SYNPR: variants seen among roughly 807,000 people sequenced by gnomAD.
SYNPR encodes synaptoporin.
SYNPR carries 23 observed loss-of-function variants against 32.9 expected under a neutral mutation model. That is an observed-to-expected ratio of 0.70 (90% CI 0.50 to 0.99). The LOEUF is 0.99. Among genes scored for constraint, SYNPR ranks in the 50% least tolerant of loss-of-function variants. The pLI, the probability that SYNPR is intolerant of heterozygous loss-of-function variation, is 0.00. For synonymous variants in SYNPR, 146 were observed against 135.9 expected, an observed-to-expected ratio of 1.07 and a Z score of -0.52; for missense variants, 318 against 349.3, an observed-to-expected ratio of 0.91 and a Z score of 0.71.
At chr3:63,320,311 G>C (rs1170735644) in intron 2 of SYNPR, among the ~76,000 whole-genome samples, 1 of 151,954 alleles carries the variant, frequency 6.6e-6, no homozygotes, top group Non-Finnish European at 1.5e-5. Context: ...TGCATCAATG[G>C]GAAGTCAGCA....
At chr3:63,381,980 A>G (rs2087976586) in intron 2 of SYNPR, among the ~76,000 whole-genome samples, 1 of 152,242 alleles carries the variant, frequency 6.6e-6, no homozygotes, top group Admixed American at 6.5e-5. Flanking sequence ...AGTAAAGTAC[A>G]GAAAACTTAC....
chr3:63,501,508 AAAAAAAG>A lies in SYNPR; in HGVS notation c.209+20557_209+20563del, dbSNP rs1225151620. Reference sequence around the variant, plus strand: ...CCTCCCCCAACCAAAAAAAAAAAAAAAAAAAAGAAAAGAAAAAGAAAAAATAATAGAA... The same window carrying A: ...CCTCCCCCAACCAAAAAAAAAAAAAAAAAAGAAAAAGAAAAAATAATAGAA... On this transcript the variant is annotated intron_variant, in intron 3 of 5. Transcript: ENST00000478300. 4.3e-3 allele frequency among the ~76,000 whole-genome samples: 418 copies of A among 96,682 alleles called. 2 individuals carry two copies. Among genetic ancestry groups the A allele is most frequent in the Non-Finnish European group, 6.5e-3 (292 of 44,714 alleles). 63.4% of individuals were successfully genotyped at this position (96,682 alleles called of 152,430 possible).
At chr3:63,549,541 G>T (rs887674652) in intron 3 of SYNPR, among the ~76,000 whole-genome samples, 1 of 151,992 alleles carries the variant, frequency 6.6e-6, no homozygotes, top group Admixed American at 6.6e-5. Context: ...AACAGCAATC[G>T]TACCCACTGA....
intron 2 of SYNPR, among the ~76,000 whole-genome samples, chr3:63,437,269 T>C (rs145739953): frequency 9.9e-5 from 15 of 152,194 alleles, no homozygotes; most frequent in Non-Finnish European, 1.5e-4. Flanking sequence ...GCAAAGGGTA[T>C]CACTCTCATC....
At chr3:63,527,797 A>G (rs6770177) in intron 3 of SYNPR, among the ~76,000 whole-genome samples, 38,132 of 151,990 alleles carry the variant, frequency 0.25, 4,938 homozygotes, top group Admixed American at 0.33. Flanking sequence ...TCAATACTGT[A>G]TCCCCAAGTG....
At chr3:63,237,717 G>A (rs909464858) in intron 1 of SYNPR, among the ~76,000 whole-genome samples, 5 of 151,982 alleles carry the variant, frequency 3.3e-5, no homozygotes, top group African/African-American at 4.8e-5. Context: ...TCTTGGCCTC[G>A]TTTTGTCGGC....
In SYNPR at chr3:63,574,453, A is replaced by T. The variant is rs569031183; in HGVS notation, c.408+17712A>T. Among the ~76,000 whole-genome samples the T allele has an allele frequency of 3.3e-5, 5 of 152,278 alleles. No homozygotes were observed. In the South Asian group the frequency reaches 1.0e-3, roughly 32 times the overall value. ...CCATGATGCCTTGTGTCTAGCCATA[A>T]GAGAATGAGTAATTCTCAGTGGTGA... On this transcript the variant is annotated intron_variant, in intron 4 of 5. Coordinates refer to ENST00000478300, the MANE Select transcript of SYNPR (RefSeq NM_001130003.2).
rs572333899 is a variant in SYNPR, at chr3:63,261,818, A to ACC, written n.155-5499_155-5498insCC. 8.8e-3 allele frequency among the ~76,000 whole-genome samples: 1,341 copies of ACC among 151,530 alleles called. 11 individuals carry two copies. The highest frequency in any genetic ancestry group is 0.031 in the African/African-American group (1,259 of 41,266). On this transcript the variant is annotated intron_variant and non_coding_transcript_variant, in intron 2 of 4. Transcript: ENST00000478456. ...CACATGTTCTCACTCATAGGTGGGA[A>ACC]TTGAACAATGAGAACACAAGGACAT...
chr3:63,577,050 T>G (rs944020017), intron 4 of SYNPR, among the ~76,000 whole-genome samples: 3 of 152,096 alleles, frequency 2.0e-5, no homozygotes, highest in African/African-American at 7.2e-5. Flanking sequence ...GATTCATTAG[T>G]GACAGCTAAA....
chr3:63,562,873 G>A (rs1258542322), intron 4 of SYNPR, among the ~76,000 whole-genome samples: 1 of 152,066 alleles, frequency 6.6e-6, no homozygotes, highest in African/African-American at 2.4e-5. Context: ...TTTAACAGGT[G>A]GAAGCTGTTA....
rs10687893 is a variant in SYNPR, at chr3:63,585,455, C to CCT, written c.409-23669_409-23668insTC. Among the ~76,000 whole-genome samples the CCT allele has an allele frequency of 3.4e-4, 47 of 138,258 alleles. 2 individuals carry two copies. Among genetic ancestry groups the CCT allele is most frequent in the African/African-American group, 1.1e-3 (41 of 36,064 alleles). 90.7% of individuals were successfully genotyped at this position (138,258 alleles called of 152,430 possible). A position where few individuals can be genotyped will look rare whatever the true frequency, so the allele number is the denominator to read the frequency against. On this transcript the variant is annotated intron_variant, in intron 4 of 5. Transcript: ENST00000478300. ...TTTCCTTCTGTATATCCATGCCCCC[C>CCT]CCCTCCGCCCCGCACCCACCACACA...
At chr3:63,296,555 C>G (rs1228826871) in intron 2 of SYNPR, among the ~76,000 whole-genome samples, 1 of 152,152 alleles carries the variant, frequency 6.6e-6, no homozygotes, top group Non-Finnish European at 1.5e-5. Flanking sequence ...CTCCAAAGGT[C>G]TCCTTTGCCT....
At chr3:63,420,903 G>A (rs1699787312) in intron 2 of SYNPR, among the ~76,000 whole-genome samples, 2 of 152,104 alleles carry the variant, frequency 1.3e-5, no homozygotes, top group Non-Finnish European at 2.9e-5. Flanking sequence ...AATTTTTTGA[G>A]TCACGGTCTT....
At position 63,270,441 on chromosome 3, in the gene SYNPR, G is replaced by C. The variant is rs375917113; in HGVS notation, n.287+2992G>C. Among the ~76,000 whole-genome samples, 16 of 152,146 alleles carry C rather than the reference G, an allele frequency of 1.1e-4. No homozygotes were observed. In the East Asian group the frequency reaches 3.1e-3, roughly 29 times the overall value. On this transcript the variant is annotated intron_variant and non_coding_transcript_variant, in intron 3 of 4. Coordinates refer to the SYNPR transcript ENST00000478456. ...TAAGATTAAAATAAATCAAACCAAG[G>C]GACATACACCGATTGAGAATGTGGG...
chr3:63,496,393 C>T (rs1701374234), intron 3 of SYNPR, among the ~76,000 whole-genome samples: 1 of 152,028 alleles, frequency 6.6e-6, no homozygotes, highest in Non-Finnish European at 1.5e-5. Context: ...ACTATAATTT[C>T]TTGTATGACT....
intron 2 of SYNPR, among the ~76,000 whole-genome samples, chr3:63,260,247 G>A (rs369186402): frequency 5.3e-5 from 8 of 152,120 alleles, no homozygotes; most frequent in South Asian, 2.1e-4. Flanking sequence ...AACCAAAAAC[G>A]AGCCCGCATC....
chr3:63,281,745 A>G (rs1008579220), intron 2 of SYNPR, among the ~76,000 whole-genome samples: 6 of 152,224 alleles, frequency 3.9e-5, no homozygotes, highest in African/African-American at 1.4e-4. Context: ...GGAGGCATAA[A>G]CATTCAGATA....
intron 1 of SYNPR, among the ~76,000 whole-genome samples, chr3:63,234,151 G>A (rs2086184169): frequency 6.6e-6 from 1 of 152,124 alleles, no homozygotes; most frequent in African/African-American, 2.4e-5. Context: ...ATGGTGGAAG[G>A]CAAGGAGGAG....
At chr3:63,279,475 C>A (rs2086608314) in intron 2 of SYNPR, among the ~76,000 whole-genome samples, 1 of 152,170 alleles carries the variant, frequency 6.6e-6, no homozygotes, top group South Asian at 2.1e-4. Flanking sequence ...CCCTGACGCT[C>A]TTATTGCAAT....
Sources: allele counts gnomAD v4.1 joint callset (sites outside exome capture counted in the v4.1 genomes callset), GRCh38; gene constraint gnomAD v4.1.1; transcripts MANE v1.5; gene names NCBI Gene and HGNC (gene_info 2026-07-23, HGNC 2026-07-21).